Variants in MAPK9 observed in about 807,000 individuals in gnomAD.
MAPK9 encodes the protein mitogen-activated protein kinase 9.
Under a neutral mutation model 57.1 loss-of-function variants are expected in MAPK9, and 30 were observed. The ratio of observed to expected loss-of-function variants is 0.53; its 90% CI spans 0.39 to 0.71. The LOEUF (loss-of-function observed/expected upper bound fraction) is 0.71. Ranked by LOEUF, MAPK9 falls within the 30% of genes least tolerant of loss-of-function variation. MAPK9 has a pLI of 0.00. For missense variants in MAPK9, 362 were observed against 521.0 expected, an observed-to-expected ratio of 0.69 and a Z score of 2.97; for synonymous variants, 155 against 177.0, an observed-to-expected ratio of 0.88 and a Z score of 0.99.
chr5:180,240,007 TA>T lies in MAPK9; in HGVS notation c.997-21del. 6.2e-7 allele frequency: 1 copy of T among 1,601,778 alleles called. No homozygotes were observed. On this transcript the variant is annotated intron_variant, in intron 9 of 11. Transcript: ENST00000452135. ...TGGTGGCTAAAAATTAAATCATATG[TA>T]AAGTCAACAGTAATGCCTCAAAAAA...
intron 11 of MAPK9, 32 bp downstream of exon 11, chr5:180,238,300 A>T (rs1440271649): frequency 1.3e-6 from 2 of 1,562,890 alleles, no homozygotes; most frequent in Non-Finnish European, 1.7e-6. Context: ...GGAAAGAAAA[A>T]TATCATACAA....
At chr5:180,266,786 C>A (rs548102566) in intron 3 of MAPK9, among the ~76,000 whole-genome samples, 3 of 152,200 alleles carry the variant, frequency 2.0e-5, no homozygotes, top group African/African-American at 7.2e-5. Flanking sequence ...AACTAATAGT[C>A]TTCCTTGAGG....
At chr5:180,274,867 A>C (rs1316554515) in intron 2 of MAPK9, among the ~76,000 whole-genome samples, 3 of 152,110 alleles carry the variant, frequency 2.0e-5, no homozygotes, top group Non-Finnish European at 2.9e-5. Flanking sequence ...TGCAGCTTTC[A>C]TTCTGGATAC....
At chr5:180,255,938 T>C (rs1477829402) in intron 5 of MAPK9, among the ~76,000 whole-genome samples, 1 of 152,162 alleles carries the variant, frequency 6.6e-6, no homozygotes, top group Admixed American at 6.5e-5. Context: ...TTTATAGAAA[T>C]ATTTGATCCT....
intron 2 of MAPK9, among the ~76,000 whole-genome samples, chr5:180,273,022 G>C (rs1457837938): frequency 6.6e-6 from 1 of 152,120 alleles, no homozygotes. Context: ...GCTGCCTCTG[G>C]GTGGTTCCAC....
intron 7 of MAPK9, among the ~76,000 whole-genome samples, chr5:180,244,370 T>C (rs2127578564): frequency 6.6e-6 from 1 of 152,312 alleles, no homozygotes; most frequent in South Asian, 2.1e-4. Context: ...ACCAATACAT[T>C]CCACCACGTT....
At chr5:180,267,990 A>AT (rs535298765) in intron 3 of MAPK9, among the ~76,000 whole-genome samples, 58 of 151,806 alleles carry the variant, frequency 3.8e-4, no homozygotes, top group Admixed American at 2.5e-3. Context: ...ACCCTCCTTA[A>AT]TTTTTTGTAC....
At chr5:180,283,470 T>C (rs770657860) in intron 1 of MAPK9, among the ~76,000 whole-genome samples, 26 of 152,216 alleles carry the variant, frequency 1.7e-4, no homozygotes, top group Non-Finnish European at 3.7e-4. Context: ...CAGGACCCCG[T>C]GTCCACGTTG....
At chr5:180,277,520 A>T (rs895421431) in intron 2 of MAPK9, among the ~76,000 whole-genome samples, 1 of 152,202 alleles carries the variant, frequency 6.6e-6, no homozygotes, top group Non-Finnish European at 1.5e-5. Flanking sequence ...ATGTAATCAC[A>T]CCGGCTAAAT....
chr5:180,290,907 C>A (rs549444879), intron 1 of MAPK9, among the ~76,000 whole-genome samples: 1 of 152,152 alleles, frequency 6.6e-6, no homozygotes, highest in East Asian at 1.9e-4. Context: ...ACATCCTAGT[C>A]GGGGAGACAG....
intron 5 of MAPK9, chr5:180,253,683 G>C (rs1000406713): frequency 6.6e-6 from 1 of 152,316 alleles, no homozygotes; most frequent in Non-Finnish European, 1.5e-5. Flanking sequence ...CAGTCCTGTG[G>C]GTACCAACAG....
At chr5:180,241,432 G>T (rs1757649645) in intron 8 of MAPK9, among the ~76,000 whole-genome samples, 1 of 151,844 alleles carries the variant, frequency 6.6e-6, no homozygotes, top group Non-Finnish European at 1.5e-5. Flanking sequence ...CAAGCAGCTG[G>T]GACTACAGGC....
chr5:180,266,442 T>A (rs1392317135), intron 3 of MAPK9, among the ~76,000 whole-genome samples: 1 of 151,550 alleles, frequency 6.6e-6, no homozygotes, highest in Non-Finnish European at 1.5e-5. Context: ...AGCCTCCCAA[T>A]GAGCTGGGAT....
chr5:180,279,165 C>T (rs933163037), intron 2 of MAPK9, among the ~76,000 whole-genome samples: 2 of 152,076 alleles, frequency 1.3e-5, no homozygotes, highest in African/African-American at 4.8e-5. Context: ...ACCATGTTGG[C>T]CAGGATGGTC....
intron 1 of MAPK9, among the ~76,000 whole-genome samples, chr5:180,284,082 G>A (rs1164339228): frequency 6.6e-6 from 1 of 152,166 alleles, no homozygotes; most frequent in Non-Finnish European, 1.5e-5. Flanking sequence ...GAAACTTAAG[G>A]CCACCTGAGA....
At chr5:180,274,893 C>G (rs1324106051) in intron 2 of MAPK9, among the ~76,000 whole-genome samples, 2 of 152,112 alleles carry the variant, frequency 1.3e-5, no homozygotes. Flanking sequence ...GCTGACCTCT[C>G]CTCCAGGTCA....
chr5:180,261,141 C>T (rs1487010122), intron 5 of MAPK9, among the ~76,000 whole-genome samples: 1 of 152,198 alleles, frequency 6.6e-6, no homozygotes, highest in African/African-American at 2.4e-5. Flanking sequence ...GCTCTGAACC[C>T]TTGCGGTGCA....
At chr5:180,250,955 G>A (rs1758618687) in intron 5 of MAPK9, among the ~76,000 whole-genome samples, 2 of 152,260 alleles carry the variant, frequency 1.3e-5, no homozygotes, top group South Asian at 2.1e-4. Flanking sequence ...CCAAATGAAC[G>A]AATTCGCTTC....
chr5:180,253,283 G>A (rs34133776), intron 5 of MAPK9, among the ~76,000 whole-genome samples: 57 of 152,256 alleles, frequency 3.7e-4, no homozygotes, highest in South Asian at 2.9e-3. Flanking sequence ...CTTCCTTCTC[G>A]CACAGGCCTC....
Sources: allele counts gnomAD v4.1 joint callset (sites outside exome capture counted in the v4.1 genomes callset), GRCh38; gene constraint gnomAD v4.1.1; transcripts MANE v1.5; gene names NCBI Gene and HGNC (gene_info 2026-07-23, HGNC 2026-07-21).